Variants in TMEM132D observed in about 807,000 individuals in gnomAD.
The protein encoded by TMEM132D is mature OL transmembrane protein.
In TMEM132D, 21 loss-of-function variants were observed where a neutral mutation model predicts 62.3. The observed-to-expected ratio is 0.34, with a 90% CI of 0.24 to 0.49. TMEM132D has a LOEUF of 0.49. Ranked by LOEUF, TMEM132D falls within the 20% of genes least tolerant of loss-of-function variation. The pLI is 0.99. For missense variants in TMEM132D, 1,346 were observed against 1,402.8 expected (o/e 0.96, Z 0.65); for synonymous variants, 621 against 575.6 (o/e 1.08, Z -1.13).
rs565763470 is a variant in TMEM132D, at chr12:129,631,640, C to T, written c.968+68170G>A. Among the ~76,000 whole-genome samples, 6 of 152,302 alleles carry T rather than the reference C, an allele frequency of 3.9e-5. No individual in the cohort carries two copies. The South Asian group carries it at 1.2e-3, about 32-fold the overall frequency. On this transcript the variant is annotated intron_variant, in intron 2 of 8. Transcript: ENST00000422113. Reference sequence around the variant, plus strand: ...AGAGAATCACATGACTGATGATCCCCGGTGATGCGTCTGATAAACCCTTAG... The same window carrying T: ...AGAGAATCACATGACTGATGATCCCTGGTGATGCGTCTGATAAACCCTTAG...
intron 1 of TMEM132D, among the ~76,000 whole-genome samples, chr12:129,866,767 G>C (rs1229323584): frequency 6.6e-6 from 1 of 151,970 alleles, no homozygotes; most frequent in Non-Finnish European, 1.5e-5. Context: ...ATCCCACTCT[G>C]GGTATATATC....
At chr12:129,251,947 G>A (rs1880277645) in intron 4 of TMEM132D, among the ~76,000 whole-genome samples, 1 of 152,164 alleles carries the variant, frequency 6.6e-6, no homozygotes, top group Admixed American at 6.5e-5. Flanking sequence ...TCACCCTGTG[G>A]ATGGGAGTTC....
chr12:129,582,097 C>T (rs149069120), intron 2 of TMEM132D, among the ~76,000 whole-genome samples: 4 of 152,294 alleles, frequency 2.6e-5, no homozygotes, highest in African/African-American at 4.8e-5. Context: ...TTTTATTTCC[C>T]GTCTTGATGA....
chr12:129,173,303 A>G (rs1700812802), intron 5 of TMEM132D, among the ~76,000 whole-genome samples: 1 of 152,250 alleles, frequency 6.6e-6, no homozygotes, highest in Admixed American at 6.5e-5. Context: ...AAAGTCTTCA[A>G]AATGGGCTGT....
At chr12:129,490,796 C>G (rs1460167722) in intron 3 of TMEM132D, among the ~76,000 whole-genome samples, 1 of 151,764 alleles carries the variant, frequency 6.6e-6, no homozygotes, top group Admixed American at 6.6e-5. Flanking sequence ...CCCATGACCT[C>G]AGTCCCAAAT....
intron 3 of TMEM132D, among the ~76,000 whole-genome samples, chr12:129,439,372 T>A (rs1872877039): frequency 6.6e-6 from 1 of 152,232 alleles, no homozygotes; most frequent in African/African-American, 2.4e-5. Flanking sequence ...AAGCATCAAC[T>A]ATTCTATTCT....
intron 4 of TMEM132D, among the ~76,000 whole-genome samples, chr12:129,309,362 T>A (rs191772695): frequency 2.6e-3 from 396 of 152,026 alleles, no homozygotes; most frequent in African/African-American, 8.9e-3. Context: ...GTTCAATAAT[T>A]ACTTTATCAC....
At chr12:129,562,586 A>C (rs940136665) in intron 2 of TMEM132D, among the ~76,000 whole-genome samples, 6 of 152,112 alleles carry the variant, frequency 3.9e-5, no homozygotes, top group African/African-American at 9.7e-5. Context: ...GGCATTTACC[A>C]GCTCTTTCTC....
chr12:129,448,408 T>C (rs1371667467), intron 3 of TMEM132D, among the ~76,000 whole-genome samples: 29 of 152,164 alleles, frequency 1.9e-4, no homozygotes, highest in Non-Finnish European at 2.9e-5. Context: ...CAGTGGGTGC[T>C]GTTCCCCTCA....
chr12:129,687,642 C>T (rs1293498886), intron 2 of TMEM132D, among the ~76,000 whole-genome samples: 1 of 152,062 alleles, frequency 6.6e-6, no homozygotes, highest in East Asian at 1.9e-4. Flanking sequence ...CTGACAAAGG[C>T]TGGACAGATG....
In TMEM132D at chr12:129,084,681, C is replaced by T. The variant is rs148352740; in HGVS notation, c.1465G>A (p.Val489Ile). 1.1e-4 allele frequency: 175 copies of T among 1,613,876 alleles called. No individual in the cohort carries two copies. The highest frequency in any genetic ancestry group is 1.2e-4 in the Non-Finnish European group (139 of 1,180,018). ...TTCATTTCTTTCCCATTGACAAAGA[C>T]GTAGTCACATCTGTCAGAAACCTGT... Reference protein sequence around the residue: ...VIKVSDRCDYVFVNGKEMKGK... With the variant: ...VIKVSDRCDYIFVNGKEMKGK... Residue 489 changes from valine to isoleucine, a missense_variant, in exon 6 of 9, where the codon GTC becomes ATC. Val to Ile is a conservative substitution (Grantham distance 29, BLOSUM62 3). Coordinates refer to ENST00000422113, the MANE Select transcript of TMEM132D (RefSeq NM_133448.3).
intron 5 of TMEM132D, among the ~76,000 whole-genome samples, chr12:129,163,828 C>A (rs187513097): frequency 6.6e-6 from 1 of 152,206 alleles, no homozygotes; most frequent in East Asian, 1.9e-4. Flanking sequence ...ACTGATACAG[C>A]GATAATTGGC....
At chr12:129,252,077 T>C (rs1343045742) in intron 4 of TMEM132D, among the ~76,000 whole-genome samples, 2 of 152,228 alleles carry the variant, frequency 1.3e-5, no homozygotes, top group East Asian at 3.9e-4. Context: ...CTAAAATATG[T>C]ATATTCAAAT....
At chr12:129,868,511 C>T (rs1874132993) in intron 1 of TMEM132D, among the ~76,000 whole-genome samples, 1 of 152,204 alleles carries the variant, frequency 6.6e-6, no homozygotes, top group Admixed American at 6.5e-5. Flanking sequence ...CCCTAGAAGA[C>T]ATAATCGTGA....
chr12:129,482,549 A>C (rs1468780561), intron 3 of TMEM132D, among the ~76,000 whole-genome samples: 3 of 152,364 alleles, frequency 2.0e-5, no homozygotes, highest in East Asian at 3.8e-4. Context: ...AGGTGGGATG[A>C]GGTGGAGATT....
chr12:129,262,396 C>T (rs987588965), intron 4 of TMEM132D: 1 of 152,094 alleles, frequency 6.6e-6, no homozygotes, highest in African/African-American at 2.4e-5. Flanking sequence ...GAGTTTTAGG[C>T]ACTTTTAAGG....
At chr12:129,563,241 T>C (rs991334894) in intron 2 of TMEM132D, among the ~76,000 whole-genome samples, 4 of 152,220 alleles carry the variant, frequency 2.6e-5, no homozygotes, top group Admixed American at 6.5e-5. Context: ...TATTCCGTCT[T>C]CTCTTGTCCA....
rs559854552 is a variant in TMEM132D, at chr12:129,384,754, G to A, written c.1116-46937C>T. Among the ~76,000 whole-genome samples, 7 of 152,222 alleles carry A rather than the reference G, an allele frequency of 4.6e-5. 1 individual carries two copies. In the East Asian group the frequency reaches 5.8e-4, roughly 13 times the overall value. The stretch of plus-strand genomic sequence containing the variant: ...TTCAAACACAGTCTCCAGGTGATGC[G>A]TTCACACGTACGCGACAGTCTGTGA... On this transcript the variant is annotated intron_variant, in intron 3 of 8. Coordinates refer to ENST00000422113, the MANE Select transcript of TMEM132D (RefSeq NM_133448.3).
chr12:129,176,719 A>G (rs1877916533), intron 5 of TMEM132D, among the ~76,000 whole-genome samples: 1 of 152,208 alleles, frequency 6.6e-6, no homozygotes, highest in African/African-American at 2.4e-5. Flanking sequence ...TTGGTAATTA[A>G]CTTCGCTGAA....
Sources: gnomAD v4.1 joint callset for allele counts (sites outside exome capture counted in the v4.1 genomes callset) on GRCh38, gnomAD v4.1.1 for gene constraint, MANE v1.5 for transcripts, NCBI Gene and HGNC (gene_info 2026-07-23, HGNC 2026-07-21) for gene names.